The following KCNQ3 variants were observed in gnomAD, a reference collection of about 807,000 sequenced individuals.
KCNQ3 encodes the protein potassium voltage-gated channel subfamily Q member 3.
Under a neutral mutation model 92.5 loss-of-function variants are expected in KCNQ3, and 30 were observed. That is an observed-to-expected ratio of 0.32 (90% CI 0.24 to 0.44). The LOEUF (loss-of-function observed/expected upper bound fraction) is 0.44, where lower values mean the gene tolerates loss of function less well. KCNQ3 is among the 20% of genes least tolerant of loss of function. The pLI is 1.00. For missense variants in KCNQ3, 913 were observed against 1,140.3 expected (o/e 0.80, Z 2.87); for synonymous variants, 450 against 468.8 (o/e 0.96, Z 0.52).
At chr8:132,175,649 G>T in intron 4 of KCNQ3, 41 bp from the exon 5 acceptor site, 1 of 1,597,966 alleles carries the variant, frequency 6.3e-7, no homozygotes, top group Non-Finnish European at 8.6e-7. Flanking sequence ...GGTCACTGGG[G>T]AGTCGTTGAG....
At chr8:132,414,755 GCAAA>G (rs1820748766) in intron 1 of KCNQ3, among the ~76,000 whole-genome samples, 1 of 152,170 alleles carries the variant, frequency 6.6e-6, no homozygotes. Flanking sequence ...GACAGAGGGA[GCAAA>G]CAAACACTGT....
In KCNQ3 at chr8:132,430,063, G is replaced by T. The variant is rs373182340; in HGVS notation, c.386+50084C>A. On this transcript the variant is annotated intron_variant, in intron 1 of 14. Transcript: ENST00000388996. ...AAGAACTGGGCAGAGAGGCCTAGGGGTTGCCCTTTCCCTGAGCAGCTGACT... is the reference window on the plus strand; with the variant it reads ...AAGAACTGGGCAGAGAGGCCTAGGGTTTGCCCTTTCCCTGAGCAGCTGACT... 1.1e-4 allele frequency among the ~76,000 whole-genome samples: 16 copies of T among 152,170 alleles called. No homozygotes were observed. The East Asian group carries it at 2.5e-3, about 24-fold the overall frequency.
At chr8:132,312,838 T>A (rs923859985) in intron 1 of KCNQ3, among the ~76,000 whole-genome samples, 13 of 152,210 alleles carry the variant, frequency 8.5e-5, no homozygotes, top group Admixed American at 7.9e-4. Context: ...CATGTGGAAC[T>A]GTGAGTCAAT....
chr8:132,248,800 T>C (rs1815281780), intron 1 of KCNQ3, among the ~76,000 whole-genome samples: 1 of 152,194 alleles, frequency 6.6e-6, no homozygotes, highest in African/African-American at 2.4e-5. Flanking sequence ...TTACTTTGTT[T>C]AGAGGCAATA....
In KCNQ3 at chr8:132,348,003, G is replaced by GAA. The variant is rs1818748527; in HGVS notation, c.386+132142_386+132143dup. Among the ~76,000 whole-genome samples the GAA allele has an allele frequency of 7.9e-5, 11 of 138,504 alleles. No individual in the cohort carries two copies. The East Asian group carries it at 2.2e-3, about 28-fold the overall frequency. The allele number at this position is 138,504 out of a possible 152,430, so 90.9% of individuals were successfully genotyped here. On this transcript the variant is annotated intron_variant, in intron 1 of 14. Transcript: ENST00000388996. The stretch of plus-strand genomic sequence containing the variant: ...AAAAAAAAAAAAAAAAAAAAAAAAG[G>GAA]AAAACCCACTATTCCAGATAAGGGG...
chr8:132,231,561 G>C (rs1442845229), intron 1 of KCNQ3, among the ~76,000 whole-genome samples: 5 of 152,164 alleles, frequency 3.3e-5, no homozygotes, highest in Admixed American at 3.3e-4. Flanking sequence ...ACCAGAGATT[G>C]CTTTTTCTCT....
intron 1 of KCNQ3, among the ~76,000 whole-genome samples, chr8:132,230,111 T>A (rs1044701513): frequency 1.3e-5 from 2 of 152,146 alleles, no homozygotes; most frequent in Non-Finnish European, 2.9e-5. Flanking sequence ...CCTCAACAGT[T>A]TTCAGATGAC....
chr8:132,351,577 G>C (rs1022384771), intron 1 of KCNQ3, among the ~76,000 whole-genome samples: 7 of 152,202 alleles, frequency 4.6e-5, no homozygotes, highest in African/African-American at 1.7e-4. Flanking sequence ...AGTGGCTGTG[G>C]GGCTGGAAGT....
chr8:132,166,550 T>A (rs1826148857), intron 8 of KCNQ3, among the ~76,000 whole-genome samples: 1 of 152,206 alleles, frequency 6.6e-6, no homozygotes, highest in South Asian at 2.1e-4. Context: ...GCATGGTATG[T>A]GGCCTGAACT....
intron 1 of KCNQ3, among the ~76,000 whole-genome samples, chr8:132,216,688 G>T (rs1487445540): frequency 6.6e-6 from 1 of 152,188 alleles, no homozygotes; most frequent in Non-Finnish European, 1.5e-5. Flanking sequence ...AAAAAGGGGT[G>T]CAGAGAGTTG....
intron 1 of KCNQ3, among the ~76,000 whole-genome samples, chr8:132,451,219 C>T (rs561218676): frequency 6.6e-6 from 1 of 152,306 alleles, no homozygotes; most frequent in South Asian, 2.1e-4. Flanking sequence ...TTGCCTGCTG[C>T]CATGTAAAAC....
At chr8:132,403,336 C>T (rs1236291157) in intron 1 of KCNQ3, among the ~76,000 whole-genome samples, 1 of 152,176 alleles carries the variant, frequency 6.6e-6, no homozygotes, top group African/African-American at 2.4e-5. Flanking sequence ...GGGCCATCCC[C>T]AGCCCCTGTG....
intron 1 of KCNQ3, among the ~76,000 whole-genome samples, chr8:132,398,761 G>C (rs1820261119): frequency 6.6e-6 from 1 of 152,208 alleles, no homozygotes; most frequent in African/African-American, 2.4e-5. Context: ...GGGCAGATGA[G>C]CCTGAAGCAA....
chr8:132,124,981 T>C lies in KCNQ3; in HGVS notation c.*4281A>G, dbSNP rs1824616708. ...AATTTGATCTGCAGGTTCCCATAAG[T>C]AGAGTAACATCTTTCTCTTGAAATA... On this transcript the variant is annotated 3_prime_UTR_variant, in exon 15 of 15. Transcript: ENST00000388996. 6.6e-6 allele frequency: 1 copy of C among 152,236 alleles called. No individual in the cohort carries two copies. The highest frequency in any genetic ancestry group is 1.5e-5 in the Non-Finnish European group (1 of 68,052). The allele number at this position is 152,236 out of a possible 1,614,324, so 9.4% of individuals were successfully genotyped here.
At chr8:132,294,303 C>A (rs975159563) in intron 1 of KCNQ3, among the ~76,000 whole-genome samples, 1 of 152,062 alleles carries the variant, frequency 6.6e-6, no homozygotes, top group South Asian at 2.1e-4. Context: ...ACCTGGCCCA[C>A]TAAGGTATTT....
chr8:132,219,500 GCT>G (rs1814148444), intron 1 of KCNQ3, among the ~76,000 whole-genome samples: 1 of 151,994 alleles, frequency 6.6e-6, no homozygotes, highest in Non-Finnish European at 1.5e-5. Context: ...TTCTCTACCC[GCT>G]CTCTGTCCCT....
At chr8:132,272,207 G>A (rs936976901) in intron 1 of KCNQ3, among the ~76,000 whole-genome samples, 43 of 152,340 alleles carry the variant, frequency 2.8e-4, no homozygotes, top group African/African-American at 9.9e-4. Flanking sequence ...CTGGGATGAA[G>A]TAGATTAACA....
chr8:132,329,091 C>T (rs1378018477), intron 1 of KCNQ3, among the ~76,000 whole-genome samples: 2 of 152,194 alleles, frequency 1.3e-5, no homozygotes, highest in African/African-American at 4.8e-5. Flanking sequence ...AGAACATTGC[C>T]CTTATGGAAT....
chr8:132,263,735 G>A (rs1586877182), intron 1 of KCNQ3, among the ~76,000 whole-genome samples: 1 of 152,212 alleles, frequency 6.6e-6, no homozygotes, highest in East Asian at 1.9e-4. Context: ...TTCTTCATGA[G>A]TGGCTCAGGT....
Sources: gnomAD v4.1 joint callset for allele counts (sites outside exome capture counted in the v4.1 genomes callset) on GRCh38, gnomAD v4.1.1 for gene constraint, MANE v1.5 for transcripts, NCBI Gene and HGNC (gene_info 2026-07-23, HGNC 2026-07-21) for gene names.